Variants in TMEM132D observed in about 807,000 individuals in gnomAD.
TMEM132D encodes transmembrane protein 132D.
TMEM132D carries 21 observed loss-of-function variants against 62.3 expected under a neutral mutation model. The ratio of observed to expected loss-of-function variants is 0.34; its 90% CI spans 0.24 to 0.49. TMEM132D has a LOEUF of 0.49. Ranked by LOEUF, TMEM132D falls within the 20% of genes least tolerant of loss-of-function variation. TMEM132D has a pLI of 0.99. For synonymous variants in TMEM132D, 621 were observed against 575.6 expected (o/e 1.08, Z -1.13); for missense variants, 1,346 against 1,402.8 (o/e 0.96, Z 0.65).
chr12:129,124,254 T>C (rs1876148628), intron 5 of TMEM132D, among the ~76,000 whole-genome samples: 1 of 152,180 alleles, frequency 6.6e-6, no homozygotes. Context: ...CTTCATCTAA[T>C]GAAGACTAAT....
At chr12:129,496,646 A>G (rs1874966541) in intron 3 of TMEM132D, among the ~76,000 whole-genome samples, 1 of 141,312 alleles carries the variant, frequency 7.1e-6, no homozygotes, top group East Asian at 2.1e-4. Flanking sequence ...CAATATTATT[A>G]TATTTCCCTA....
At position 129,569,509 on chromosome 12, in the gene TMEM132D, A is replaced by G. The variant is rs556343965; in HGVS notation, c.969-38304T>C. Among the ~76,000 whole-genome samples, 4 of 152,318 alleles carry G rather than the reference A, an allele frequency of 2.6e-5. No individual in the cohort carries two copies. In the East Asian group the frequency reaches 7.7e-4, roughly 29 times the overall value. On this transcript the variant is annotated intron_variant, in intron 2 of 8. Coordinates refer to ENST00000422113, the MANE Select transcript of TMEM132D (RefSeq NM_133448.3). ...TCACATGCTAGACTCAGTATGAAGT[A>G]CATGGTATAGAGAGGCAAAGGCAAA...
chr12:129,077,174 G>A (rs1205500577), intron 8 of TMEM132D, among the ~76,000 whole-genome samples: 2 of 152,188 alleles, frequency 1.3e-5, no homozygotes, highest in East Asian at 1.9e-4. Context: ...AGTCCAGTGT[G>A]GCACTCCTGC....
chr12:129,500,824 A>C (rs1875117124), intron 3 of TMEM132D, among the ~76,000 whole-genome samples: 1 of 152,196 alleles, frequency 6.6e-6, no homozygotes, highest in Non-Finnish European at 1.5e-5. Flanking sequence ...TTATGCATTT[A>C]ATTCCTGCAC....
chr12:129,426,418 C>T (rs538963715), intron 3 of TMEM132D, among the ~76,000 whole-genome samples: 13 of 151,940 alleles, frequency 8.6e-5, no homozygotes, highest in Non-Finnish European at 1.8e-4. Context: ...CTATTATTCT[C>T]CTGCACACAT....
chr12:129,112,917 T>A (rs1419820671), intron 5 of TMEM132D: 1 of 152,276 alleles, frequency 6.6e-6, no homozygotes, highest in Non-Finnish European at 1.5e-5. Context: ...GAGAAGCCAC[T>A]TTGATTCTAC....
At chr12:129,295,266 G>A (rs1390299060) in intron 4 of TMEM132D, among the ~76,000 whole-genome samples, 5 of 151,230 alleles carry the variant, frequency 3.3e-5, no homozygotes, top group Non-Finnish European at 5.9e-5. Flanking sequence ...TAGACGCTAC[G>A]GAACACTGCC....
intron 5 of TMEM132D, among the ~76,000 whole-genome samples, chr12:129,106,251 A>C (rs1012247658): frequency 2.3e-5 from 3 of 133,028 alleles, no homozygotes; most frequent in Non-Finnish European, 4.6e-5. Flanking sequence ...GGAACATCAC[A>C]CTCTGGGGCC....
chr12:129,248,520 G>A (rs1371955187), intron 4 of TMEM132D, among the ~76,000 whole-genome samples: 1 of 90,332 alleles, frequency 1.1e-5, no homozygotes, highest in East Asian at 2.3e-4. Context: ...TAGAAACAGG[G>A]GCTGATTTTT....
chr12:129,099,573 A>G (rs1381004000), intron 5 of TMEM132D, among the ~76,000 whole-genome samples: 1 of 152,214 alleles, frequency 6.6e-6, no homozygotes, highest in South Asian at 2.1e-4. Context: ...TGGACCCTTC[A>G]GCCCACCAAC....
At chr12:129,469,934 G>C (rs886137411) in intron 3 of TMEM132D, among the ~76,000 whole-genome samples, 1 of 152,148 alleles carries the variant, frequency 6.6e-6, no homozygotes, top group African/African-American at 2.4e-5. Flanking sequence ...GCACTGGGGG[G>C]TCATAATCCC....
intron 3 of TMEM132D, among the ~76,000 whole-genome samples, chr12:129,376,289 T>C (rs142373585): frequency 1.2e-4 from 19 of 152,040 alleles, no homozygotes; most frequent in African/African-American, 4.3e-4. Context: ...TTCAGCATGG[T>C]TGGGGAGGCT....
At chr12:129,312,389 T>A (rs993720555) in intron 4 of TMEM132D, among the ~76,000 whole-genome samples, 2 of 152,144 alleles carry the variant, frequency 1.3e-5, no homozygotes, top group Admixed American at 1.3e-4. Flanking sequence ...GCATGTTATA[T>A]CTGGAATATT....
At chr12:129,386,537 A>C (rs1781088542) in intron 3 of TMEM132D, among the ~76,000 whole-genome samples, 1 of 152,082 alleles carries the variant, frequency 6.6e-6, no homozygotes, top group Non-Finnish European at 1.5e-5. Context: ...AAACACAAAT[A>C]CTATATGCCA....
At chr12:129,269,004 C>A (rs1217950763) in intron 4 of TMEM132D, among the ~76,000 whole-genome samples, 1 of 127,278 alleles carries the variant, frequency 7.9e-6, no homozygotes, top group South Asian at 2.6e-4. Context: ...GAACATCACA[C>A]ACCGGGGCCT....
At chr12:129,770,767 A>C (rs1249544989) in intron 1 of TMEM132D, among the ~76,000 whole-genome samples, 3 of 152,220 alleles carry the variant, frequency 2.0e-5, no homozygotes, top group Non-Finnish European at 4.4e-5. Context: ...ATTTTATAAT[A>C]AAGTCTTGAA....
chr12:129,411,438 G>A (rs2135705994), intron 3 of TMEM132D, among the ~76,000 whole-genome samples: 1 of 152,238 alleles, frequency 6.6e-6, no homozygotes, highest in South Asian at 2.1e-4. Context: ...GTGTGATCTT[G>A]ACTCACTGCA....
chr12:129,698,120 T>C (rs1881250503), intron 2 of TMEM132D: 1 of 152,116 alleles, frequency 6.6e-6, no homozygotes, highest in South Asian at 2.1e-4. Flanking sequence ...TAAGCAGCCA[T>C]CCTCACAAAG....
rs1358453369 is a variant in TMEM132D, at chr12:129,531,272, G to A, written c.969-67C>T. ...AATCCCCGGGTCATGCTGGTTCTGGGAACACGGGGAGCTTAATTGCTCACC... is the reference window on the plus strand; with the variant it reads ...AATCCCCGGGTCATGCTGGTTCTGGAAACACGGGGAGCTTAATTGCTCACC... On this transcript the variant is annotated intron_variant, in intron 2 of 8. Coordinates refer to ENST00000422113, the MANE Select transcript of TMEM132D (RefSeq NM_133448.3). 21 of 1,504,266 alleles carry A rather than the reference G, an allele frequency of 1.4e-5. No individual in the cohort carries two copies. In the East Asian group the frequency reaches 4.8e-4, roughly 34 times the overall value. The allele number at this position is 1,504,266 out of a possible 1,614,324, so 93.2% of individuals were successfully genotyped here. A position where few individuals can be genotyped will look rare whatever the true frequency, so the allele number is the denominator to read the frequency against.
Sources: allele counts gnomAD v4.1 joint callset (sites outside exome capture counted in the v4.1 genomes callset), GRCh38; gene constraint gnomAD v4.1.1; transcripts MANE v1.5; gene names NCBI Gene and HGNC (gene_info 2026-07-23, HGNC 2026-07-21).